Variants in DDX10 observed in about 807,000 individuals in gnomAD.
The protein encoded by DDX10 is probable ATP-dependent RNA helicase DDX10.
A neutral mutation model predicts 104.3 loss-of-function variants in DDX10; 74 were observed. That is an observed-to-expected ratio of 0.71 (90% CI 0.59 to 0.86). The LOEUF is 0.86. Ranked by LOEUF, DDX10 falls within the 40% of genes least tolerant of loss-of-function variation. The pLI, the probability that DDX10 is intolerant of heterozygous loss-of-function variation, is 0.00. For synonymous variants in DDX10, 351 were observed against 353.4 expected (o/e 0.99, Z 0.08); for missense variants, 952 against 1,040.0 (o/e 0.92, Z 1.16).
Position 108,665,228 on chromosome 11 carries a change from A to C in DDX10, c.75A>C (p.Lys25Asn). The C allele has an allele frequency of 6.2e-7, 1 of 1,613,480 alleles. No individual in the cohort carries two copies. Among genetic ancestry groups the C allele is most frequent in the Non-Finnish European group, 8.5e-7 (1 of 1,179,802 alleles). ...TGCGGAGCTTCAATCGCTGGAAGAA[A>C]AAACACAGCCATAGGCAGAACAAAA... ...DPVRSFNRWK[K>N]KHSHRQNKKK... is the part of the protein sequence containing the mutation. The change falls in exon 1 of 18, where the codon AAA (lysine) becomes AAC (asparagine). Residue 25 changes from lysine to asparagine, a missense_variant. Lys to Asn is a moderately conservative substitution (Grantham distance 94). This residue lies in a region of DDX10 where 412 missense variants were observed against 479.2 expected (regional missense o/e 0.86). Transcript: ENST00000322536.
intron 16 of DDX10, among the ~76,000 whole-genome samples, chr11:108,872,068 C>A (rs116698682): frequency 6.6e-6 from 1 of 152,142 alleles, no homozygotes; most frequent in Non-Finnish European, 1.5e-5. Context: ...ACATTCATTG[C>A]GACATTCTGA....
intron 17 of DDX10, among the ~76,000 whole-genome samples, chr11:108,939,237 C>G (rs1034140990): frequency 6.6e-6 from 1 of 152,182 alleles, no homozygotes; most frequent in Admixed American, 6.5e-5. Flanking sequence ...TAAATGTTGA[C>G]TGAGTCAACT....
At chr11:108,719,124 T>TTTTA (rs370827717) in intron 11 of DDX10, among the ~76,000 whole-genome samples, 6 of 149,942 alleles carry the variant, frequency 4.0e-5, no homozygotes, top group African/African-American at 1.5e-4. Flanking sequence ...TTTTTTTTTT[T>TTTTA]AACAGAAACA....
chr11:108,816,847 C>A (rs1237608889), intron 13 of DDX10, among the ~76,000 whole-genome samples: 1 of 152,154 alleles, frequency 6.6e-6, no homozygotes. Context: ...AGCCACCACA[C>A]CCGGCCAATA....
chr11:108,746,836 G>A (rs192300335), intron 13 of DDX10, among the ~76,000 whole-genome samples: 37 of 152,220 alleles, frequency 2.4e-4, no homozygotes, highest in African/African-American at 8.9e-4. Flanking sequence ...TTTGTGGGTT[G>A]TTGGGTATAG....
intron 13 of DDX10, among the ~76,000 whole-genome samples, chr11:108,824,273 C>A (rs540824992): frequency 6.6e-6 from 1 of 152,100 alleles, no homozygotes; most frequent in Non-Finnish European, 1.5e-5. Flanking sequence ...GAACTCGTGA[C>A]CTCAAGCGAT....
chr11:108,717,894 C>T (rs2094293531), intron 11 of DDX10, among the ~76,000 whole-genome samples: 1 of 152,146 alleles, frequency 6.6e-6, no homozygotes, highest in African/African-American at 2.4e-5. Context: ...TGGGGTGGCT[C>T]ATGCCTATAA....
At position 108,838,508 on chromosome 11, in the gene DDX10, A is replaced by C; in HGVS notation, c.2028A>C (p.Lys676Asn). Residue 676 changes from lysine to asparagine, a missense_variant, in exon 14 of 18, where the codon AAA (lysine) becomes AAC (asparagine). Transcript: ENST00000322536. ...KKMTKVAEAK[K>N]VMKRNFKVNK... is the part of the protein sequence containing the mutation. The stretch of plus-strand genomic sequence containing the variant: ...TGACCAAAGTTGCAGAAGCAAAAAA[A>C]GTAATGAAGAGAAATTTTAAAGTGA... 1.9e-6 allele frequency: 3 copies of C among 1,613,066 alleles called. No individual in the cohort carries two copies. Among genetic ancestry groups the C allele is most frequent in the Non-Finnish European group, 2.5e-6 (3 of 1,179,446 alleles).
chr11:108,836,213 T>C (rs1213900925), intron 13 of DDX10, among the ~76,000 whole-genome samples: 1 of 152,206 alleles, frequency 6.6e-6, no homozygotes, highest in Non-Finnish European at 1.5e-5. Context: ...GGTAGTAACT[T>C]CTTAAATATG....
chr11:108,792,839 A>G (rs1861889443), intron 13 of DDX10, among the ~76,000 whole-genome samples: 2 of 152,260 alleles, frequency 1.3e-5, no homozygotes, highest in South Asian at 4.1e-4. Flanking sequence ...TGGCATCTTG[A>G]GAATATTGTT....
intron 13 of DDX10, among the ~76,000 whole-genome samples, chr11:108,827,162 A>G (rs1390023390): frequency 2.0e-5 from 3 of 152,248 alleles, no homozygotes; most frequent in African/African-American, 7.2e-5. Context: ...GAGGTAGTCC[A>G]TATGTAGTTT....
intron 15 of DDX10, among the ~76,000 whole-genome samples, chr11:108,847,907 A>G (rs1315060990): frequency 6.6e-6 from 1 of 152,200 alleles, no homozygotes; most frequent in Non-Finnish European, 1.5e-5. Context: ...CAGCTTGCAA[A>G]CAGCAGCCCT....
intron 6 of DDX10, among the ~76,000 whole-genome samples, chr11:108,686,052 A>G (rs558237621): frequency 4.1e-4 from 62 of 152,308 alleles, no homozygotes; most frequent in African/African-American, 1.4e-3. Context: ...TCTGTTTCCC[A>G]TAATTCCCTA....
At chr11:108,905,763 G>C (rs1318437135) in intron 16 of DDX10, among the ~76,000 whole-genome samples, 1 of 152,102 alleles carries the variant, frequency 6.6e-6, no homozygotes, top group African/African-American at 2.4e-5. Context: ...AAATACCTGA[G>C]ACTTGGTAAT....
Position 108,723,279 on chromosome 11 carries a change from G to T in DDX10, c.1782G>T (p.Glu594Asp), listed in dbSNP as rs536837985. Residue 594 changes from glutamate (E) to aspartate (D), a missense_variant, in exon 13 of 18, where the codon GAG becomes GAT. Transcript: ENST00000322536. ...EEEDDEEEMEEKLAKAKGSQA... is the reference protein window; with the variant it reads ...EEEDDEEEMEDKLAKAKGSQA... ...AAGACGATGAAGAAGAAATGGAAGA[G>T]AAACTGGCAAAAGCAAAAGGATCTC... 1.3e-5 allele frequency: 21 copies of T among 1,613,438 alleles called. No individual in the cohort carries two copies. In the African/African-American group the frequency reaches 2.3e-4, roughly 17 times the overall value.
chr11:108,874,421 G>C (rs1458081426), intron 16 of DDX10, among the ~76,000 whole-genome samples: 3 of 152,146 alleles, frequency 2.0e-5, no homozygotes, highest in Non-Finnish European at 4.4e-5. Flanking sequence ...ACACTCAGAA[G>C]CTCATAATTC....
At position 108,675,583 on chromosome 11, in the gene DDX10, T is replaced by A. The variant is rs770272773; in HGVS notation, c.248-13T>A. The A allele has an allele frequency of 2.5e-6, 4 of 1,612,566 alleles. No individual in the cohort carries two copies. The African/African-American group carries it at 5.3e-5, about 22-fold the overall frequency. Reference sequence around the variant, plus strand: ...GATCTTCTAAAGTATAATTCTTCCCTCCATGTTGCCAGGTTTGCAAGAAGC... The same window carrying A: ...GATCTTCTAAAGTATAATTCTTCCCACCATGTTGCCAGGTTTGCAAGAAGC... On this transcript the variant is annotated splice_polypyrimidine_tract_variant and intron_variant, in intron 2 of 17. Transcript: ENST00000322536.
chr11:108,917,931 A>G lies in DDX10; in HGVS notation c.2363A>G (p.Asp788Gly), dbSNP rs946127791. The change falls in exon 17 of 18, where the codon GAT (aspartate) becomes GGT (glycine). Residue 788 changes from aspartate (D) to glycine (G), a missense_variant. Physicochemically the swap from Asp to Gly is moderately conservative, Grantham distance 94. Transcript: ENST00000322536. ...AGTGATGATGATGATGATGATGATG[A>G]TGGATTTGATCCAAGCACACTCCCA... ...DWSDDDDDDDDGFDPSTLPDP... is the reference protein window; with the variant it reads ...DWSDDDDDDDGGFDPSTLPDP... 2 of 1,612,798 alleles carry G rather than the reference A, an allele frequency of 1.2e-6. No individual in the cohort carries two copies. Among genetic ancestry groups the G allele is most frequent in the African/African-American group, 2.7e-5 (2 of 74,856 alleles).
chr11:108,784,060 G>A (rs1227626299), intron 13 of DDX10, among the ~76,000 whole-genome samples: 2 of 152,102 alleles, frequency 1.3e-5, no homozygotes, highest in African/African-American at 2.4e-5. Flanking sequence ...TCATTGAAGG[G>A]CACCTAGGTT....
Sources: gnomAD v4.1 joint callset for allele counts (sites outside exome capture counted in the v4.1 genomes callset) on GRCh38, gnomAD v4.1.1 for gene constraint, gnomAD v4.1.1 regional missense constraint, MANE v1.5 for transcripts, NCBI Gene and HGNC (gene_info 2026-07-23, HGNC 2026-07-21) for gene names.